Variants in NTM observed in about 807,000 individuals in gnomAD.
NTM encodes neurotrimin.
NTM carries 13 observed loss-of-function variants against 42.1 expected under a neutral mutation model. The ratio of observed to expected loss-of-function variants is 0.31; its 90% CI spans 0.20 to 0.49. NTM has a LOEUF of 0.49. Ranked by LOEUF, NTM falls within the 20% of genes least tolerant of loss-of-function variation. The pLI is 0.99. For missense variants in NTM, 373 were observed against 452.8 expected (o/e 0.82, Z 1.60); for synonymous variants, 187 against 179.2 (o/e 1.04, Z -0.35).
At chr11:131,635,701 T>G (rs958963941) in intron 1 of NTM, among the ~76,000 whole-genome samples, 1 of 152,186 alleles carries the variant, frequency 6.6e-6, no homozygotes, top group Admixed American at 6.5e-5. Flanking sequence ...ATTAATTTAG[T>G]GTATCCCAAG....
At chr11:131,559,550 A>C (rs960115529) in intron 1 of NTM, among the ~76,000 whole-genome samples, 1 of 152,256 alleles carries the variant, frequency 6.6e-6, no homozygotes, top group Admixed American at 6.5e-5. Context: ...AATAGAGGCA[A>C]AACACATAAA....
At chr11:131,372,177 A>G (rs1410221407) in intron 1 of NTM, among the ~76,000 whole-genome samples, 1 of 152,190 alleles carries the variant, frequency 6.6e-6, no homozygotes, top group East Asian at 1.9e-4. Flanking sequence ...CCAGGCTGGA[A>G]GGATCAAATG....
intron 1 of NTM, among the ~76,000 whole-genome samples, chr11:131,873,673 A>G (rs1172077751): frequency 8.8e-6 from 1 of 113,482 alleles, no homozygotes; most frequent in Non-Finnish European, 2.0e-5. Flanking sequence ...ACACATATAT[A>G]TATACACACA....
intron 4 of NTM, among the ~76,000 whole-genome samples, chr11:132,303,459 C>T (rs377384354): frequency 1.2e-4 from 19 of 152,258 alleles, no homozygotes; most frequent in South Asian, 4.1e-4. Flanking sequence ...CATGTCTGCC[C>T]GAATCCCTTT....
At chr11:132,178,101 T>C (rs1167213476) in intron 3 of NTM, among the ~76,000 whole-genome samples, 2 of 152,188 alleles carry the variant, frequency 1.3e-5, no homozygotes, top group Non-Finnish European at 2.9e-5. Context: ...AAAATATTTA[T>C]AGAACACAAG....
intron 1 of NTM, among the ~76,000 whole-genome samples, chr11:131,622,993 A>C (rs2137675031): frequency 6.6e-6 from 1 of 152,376 alleles, no homozygotes; most frequent in Admixed American, 6.5e-5. Flanking sequence ...AGGAAGAGGA[A>C]GGGAAATAGC....
At chr11:132,016,435 A>G (rs1406332971) in intron 2 of NTM, among the ~76,000 whole-genome samples, 16 of 151,536 alleles carry the variant, frequency 1.1e-4, no homozygotes, top group East Asian at 7.7e-4. Context: ...GAATCATGCA[A>G]TATGTTGTTT....
chr11:131,787,357 T>TATTATTATTA (rs1302178780), intron 1 of NTM, among the ~76,000 whole-genome samples: 43 of 145,992 alleles, frequency 2.9e-4, no homozygotes, highest in African/African-American at 9.7e-4. Flanking sequence ...AATACAAGAT[T>TATTATTATTA]ATTATTATTA....
chr11:131,794,977 G>A (rs2091389822), intron 1 of NTM: 2 of 985,272 alleles, frequency 2.0e-6, no homozygotes, highest in Non-Finnish European at 1.2e-6. Flanking sequence ...CTCACTGGAG[G>A]GGCAGCCTTG....
chr11:131,996,435 G>A (rs918098202), intron 2 of NTM, among the ~76,000 whole-genome samples: 3 of 152,000 alleles, frequency 2.0e-5, no homozygotes, highest in African/African-American at 7.2e-5. Flanking sequence ...CTTTTATATC[G>A]CCTGCCACTG....
chr11:132,023,944 G>A (rs550212931), intron 2 of NTM, among the ~76,000 whole-genome samples: 3 of 151,796 alleles, frequency 2.0e-5, no homozygotes, highest in Admixed American at 6.6e-5. Context: ...TCAGCCTCCC[G>A]AGTAGCTGGG....
chr11:131,898,322 G>A (rs1337884940), intron 1 of NTM, among the ~76,000 whole-genome samples: 2 of 152,154 alleles, frequency 1.3e-5, no homozygotes, highest in African/African-American at 4.8e-5. Flanking sequence ...CTGGCTTTGT[G>A]GAAAAACATT....
intron 1 of NTM, among the ~76,000 whole-genome samples, chr11:131,688,185 C>T (rs1282609674): frequency 6.6e-6 from 1 of 152,106 alleles, no homozygotes; most frequent in Non-Finnish European, 1.5e-5. Flanking sequence ...ACCCGCGCCC[C>T]CCGAGCCGCG....
chr11:132,023,511 A>G (rs2074666776), intron 2 of NTM, among the ~76,000 whole-genome samples: 1 of 152,172 alleles, frequency 6.6e-6, no homozygotes, highest in African/African-American at 2.4e-5. Context: ...TAGGGTGGGC[A>G]GCCAGAGTGG....
intron 2 of NTM, among the ~76,000 whole-genome samples, chr11:131,937,573 A>G: frequency 6.6e-6 from 1 of 152,212 alleles, no homozygotes. Flanking sequence ...AAAGTCTTTC[A>G]TATACCACAT....
chr11:132,210,545 T>C (rs1364437167), intron 3 of NTM, among the ~76,000 whole-genome samples: 1 of 152,220 alleles, frequency 6.6e-6, no homozygotes, highest in Non-Finnish European at 1.5e-5. Flanking sequence ...AATAACTGTC[T>C]AGAATTGGAG....
chr11:132,082,312 A>G (rs889241313), intron 2 of NTM, among the ~76,000 whole-genome samples: 1 of 152,134 alleles, frequency 6.6e-6, no homozygotes, highest in African/African-American at 2.4e-5. Context: ...ACAAAAAGAG[A>G]GATCCTGCAT....
intron 1 of NTM, among the ~76,000 whole-genome samples, chr11:131,728,565 C>T (rs2135460787): frequency 6.6e-6 from 1 of 152,272 alleles, no homozygotes; most frequent in African/African-American, 2.4e-5. Flanking sequence ...ATTACATAGG[C>T]ATGGCTGATT....
chr11:132,190,131 AG>A (rs2138234826), intron 3 of NTM, among the ~76,000 whole-genome samples: 1 of 152,316 alleles, frequency 6.6e-6, no homozygotes, highest in Non-Finnish European at 1.5e-5. Context: ...TGTTGGTGGA[AG>A]GGACAGAGTG....
Sources: gnomAD v4.1 joint callset for allele counts (sites outside exome capture counted in the v4.1 genomes callset) on GRCh38, gnomAD v4.1.1 for gene constraint, MANE v1.5 for transcripts, NCBI Gene and HGNC (gene_info 2026-07-23, HGNC 2026-07-21) for gene names.